EYS: variants seen among roughly 807,000 people sequenced by gnomAD.
EYS encodes protein eyes shut homolog.
In EYS, 250 loss-of-function variants were observed where a neutral mutation model predicts 282.1. That is an observed-to-expected ratio of 0.89 (90% CI 0.80 to 0.98). EYS has a LOEUF of 0.98. Among genes scored for constraint, EYS ranks in the 50% least tolerant of loss-of-function variants. EYS has a pLI of 0.00. For missense variants in EYS, 4,016 were observed against 3,709.0 expected (o/e 1.08, Z -2.15); for synonymous variants, 1,355 against 1,282.9 (o/e 1.06, Z -1.20).
rs541168238 is a variant in EYS, at chr6:64,854,431, T to G, written c.2993-31609A>C. ...GCAGCCATAAAAAAGGATGAGTTCA[T>G]GTTCTTTGTAGGGACATGGATGAAG... On this transcript the variant is annotated intron_variant, in intron 19 of 42. Coordinates refer to ENST00000503581, the MANE Select transcript of EYS (RefSeq NM_001142800.2). Among the ~76,000 whole-genome samples the G allele has an allele frequency of 1.2e-4, 19 of 152,166 alleles. No individual in the cohort carries two copies. The South Asian group carries it at 4.0e-3, about 32-fold the overall frequency.
intron 30 of EYS, among the ~76,000 whole-genome samples, chr6:64,284,803 C>A (rs141222934): frequency 5.9e-5 from 9 of 152,270 alleles, no homozygotes; most frequent in Admixed American, 1.3e-4. Flanking sequence ...CCTCTGAAAC[C>A]ATGGCCCAAG....
chr6:65,374,138 A>G (rs781571985), intron 8 of EYS, among the ~76,000 whole-genome samples: 1 of 152,192 alleles, frequency 6.6e-6, no homozygotes, highest in Non-Finnish European at 1.5e-5. Flanking sequence ...CAGCAAGACT[A>G]ACACAGAAGG....
intron 30 of EYS, among the ~76,000 whole-genome samples, chr6:64,240,797 G>C (rs966765805): frequency 6.6e-6 from 1 of 152,140 alleles, no homozygotes; most frequent in Non-Finnish European, 1.5e-5. Context: ...CGTTGAATAG[G>C]GGTGGTGAGA....
intron 33 of EYS, among the ~76,000 whole-genome samples, chr6:64,004,095 G>A (rs942743785): frequency 6.6e-6 from 1 of 151,930 alleles, no homozygotes; most frequent in South Asian, 2.1e-4. Flanking sequence ...GACATTTTTT[G>A]GAAGCCTGTT....
At chr6:65,457,724 G>C (rs1211613614) in intron 5 of EYS, among the ~76,000 whole-genome samples, 1 of 152,102 alleles carries the variant, frequency 6.6e-6, no homozygotes, top group African/African-American at 2.4e-5. Flanking sequence ...GAATCAAGCT[G>C]AAAGTTACCA....
intron 14 of EYS, among the ~76,000 whole-genome samples, chr6:64,946,462 G>A (rs913496704): frequency 2.6e-5 from 4 of 151,756 alleles, no homozygotes; most frequent in Non-Finnish European, 4.4e-5. Flanking sequence ...GAATGCTAGA[G>A]GTAAAATTTT....
chr6:64,582,584 C>CTTTT (rs34078680), intron 26 of EYS, among the ~76,000 whole-genome samples: 43 of 139,616 alleles, frequency 3.1e-4, no homozygotes, highest in African/African-American at 1.0e-3. Context: ...AATCCTTGGT[C>CTTTT]TTTTTTTTTT....
At chr6:63,811,421 C>T (rs192603690) in intron 36 of EYS, among the ~76,000 whole-genome samples, 9 of 152,286 alleles carry the variant, frequency 5.9e-5, no homozygotes, top group African/African-American at 2.2e-4. Context: ...TTGATTATTT[C>T]TTTTCTCTTG....
At chr6:65,237,568 C>CTCAATCAATCAA (rs3036036) in intron 12 of EYS, among the ~76,000 whole-genome samples, 2 of 151,984 alleles carry the variant, frequency 1.3e-5, no homozygotes, top group African/African-American at 4.8e-5. Context: ...AAGACCCTGT[C>CTCAATCAATCAA]TCAATCAATC....
intron 12 of EYS, among the ~76,000 whole-genome samples, chr6:65,147,957 G>A (rs1764518455): frequency 6.6e-6 from 1 of 151,986 alleles, no homozygotes; most frequent in African/African-American, 2.4e-5. Context: ...TCACTATCAT[G>A]AGGACATCAT....
At chr6:64,038,825 GA>G (rs1387547914) in intron 33 of EYS, among the ~76,000 whole-genome samples, 1 of 149,410 alleles carries the variant, frequency 6.7e-6, no homozygotes, top group Non-Finnish European at 1.5e-5. Context: ...TTTTTCTTGA[GA>G]CGGAGTCTCG....
At chr6:64,846,595 A>G (rs1765723688) in intron 19 of EYS, among the ~76,000 whole-genome samples, 1 of 152,150 alleles carries the variant, frequency 6.6e-6, no homozygotes, top group Non-Finnish European at 1.5e-5. Context: ...ATTATTCTCA[A>G]AAGACATACA....
At chr6:64,247,674 C>T (rs1767062487) in intron 30 of EYS, among the ~76,000 whole-genome samples, 1 of 152,032 alleles carries the variant, frequency 6.6e-6, no homozygotes, top group East Asian at 1.9e-4. Flanking sequence ...TTGCATAATG[C>T]ATTGAGGGTG....
intron 31 of EYS, among the ~76,000 whole-genome samples, chr6:64,115,374 A>C (rs1026236010): frequency 2.6e-5 from 4 of 152,002 alleles, no homozygotes; most frequent in African/African-American, 9.7e-5. Flanking sequence ...CCACACACCA[A>C]ACACCACTGC....
intron 22 of EYS, among the ~76,000 whole-genome samples, chr6:64,691,233 G>A (rs1224287588): frequency 2.0e-5 from 3 of 151,940 alleles, no homozygotes; most frequent in African/African-American, 7.2e-5. Context: ...AGTCTTTAAG[G>A]TCACGAACAG....
intron 39 of EYS, among the ~76,000 whole-genome samples, chr6:63,781,193 G>A (rs1332135244): frequency 6.6e-6 from 1 of 152,152 alleles, no homozygotes; most frequent in Non-Finnish European, 1.5e-5. Context: ...GATGCCTCCA[G>A]GTTTGTCCTT....
chr6:63,813,288 T>C (rs998767823), intron 36 of EYS, among the ~76,000 whole-genome samples: 3 of 152,218 alleles, frequency 2.0e-5, no homozygotes, highest in Admixed American at 2.0e-4. Flanking sequence ...CCCAAATTGT[T>C]GTTTTTAATA....
At chr6:64,593,345 A>G in intron 24 of EYS, 36 bp from the exon 25 acceptor site, 2 of 1,488,266 alleles carry the variant, frequency 1.3e-6, no homozygotes, top group Admixed American at 4.2e-5. Context: ...AATTAAGCTC[A>G]GTTTCTTTGT....
chr6:65,580,371 T>C (rs1306887641), intron 2 of EYS, among the ~76,000 whole-genome samples: 1 of 152,062 alleles, frequency 6.6e-6, no homozygotes, highest in Non-Finnish European at 1.5e-5. Context: ...TATTCAAGAT[T>C]TAGAATCCAA....
Sources: allele counts gnomAD v4.1 joint callset (sites outside exome capture counted in the v4.1 genomes callset), GRCh38; gene constraint gnomAD v4.1.1; transcripts MANE v1.5; gene names NCBI Gene and HGNC (gene_info 2026-07-23, HGNC 2026-07-21).